Variants in SHOC1 observed in about 807,000 individuals in gnomAD.
The protein encoded by SHOC1 is protein shortage in chiasmata 1 ortholog.
In SHOC1, 136 loss-of-function variants were observed where a neutral mutation model predicts 179.2. The observed-to-expected ratio is 0.76, with a 90% CI of 0.66 to 0.87. The LOEUF is 0.87. SHOC1 is among the 40% of genes least tolerant of loss of function. The probability of loss-of-function intolerance (pLI) is 0.00; values close to 1 mark genes in which losing one functional copy is unlikely to be tolerated. For missense variants in SHOC1, 1,538 were observed against 1,700.8 expected, an observed-to-expected ratio of 0.90 and a Z score of 1.68; for synonymous variants, 489 against 586.6, an observed-to-expected ratio of 0.83 and a Z score of 2.41.
chr9:111,720,961 A>T (rs145992448), intron 15 of SHOC1, among the ~76,000 whole-genome samples: 1 of 152,254 alleles, frequency 6.6e-6, no homozygotes, highest in African/African-American at 2.4e-5. Flanking sequence ...TGTATACTTC[A>T]TGATCTTATT....
rs774329597 is a variant in SHOC1 at position 111,692,041 on chromosome 9, G to A, written c.3936C>T (p.Asp1312=). Residue 1312 remains aspartate (D), a synonymous_variant, in exon 27 of 28, where the codon GAC becomes GAT. Coordinates refer to ENST00000682961, the MANE Select transcript of SHOC1 (RefSeq NM_001378211.1). ...MNCETIKSPT[D]TQKRVSVVPR... is the part of the protein sequence containing the mutation. The stretch of plus-strand genomic sequence containing the variant: ...GGACAACTGACACTCTCTTCTGAGT[G>A]TCAGTTGGTGATTTTATAGTTTCAC... 1.2e-6 allele frequency: 2 copies of A among 1,613,746 alleles called. No homozygotes were observed. Among genetic ancestry groups the A allele is most frequent in the East Asian group, 2.2e-5 (1 of 44,858 alleles).
At position 111,737,202 on chromosome 9, in the gene SHOC1, T is replaced by G. The variant is rs552659431; in HGVS notation, c.1417+1078A>C. ...AACTACGTTCGACCCAGCAATCCCA[T>G]TACTGGGTATATGTTAAAAAAATCG... is the stretch of plus-strand genomic sequence containing the variant. On this transcript the variant is annotated intron_variant, in intron 12 of 27. Coordinates refer to ENST00000682961, the MANE Select transcript of SHOC1 (RefSeq NM_001378211.1). 2.0e-5 allele frequency among the ~76,000 whole-genome samples: 3 copies of G among 152,342 alleles called. No homozygotes were observed. In the South Asian group the frequency reaches 6.2e-4, roughly 32 times the overall value.
chr9:111,707,876 TC>T lies in SHOC1; in HGVS notation c.2536del (p.Glu846AsnfsTer6). On this transcript the variant is annotated frameshift_variant, in exon 19 of 28. Coordinates refer to ENST00000682961, the MANE Select transcript of SHOC1 (RefSeq NM_001378211.1). LOFTEE classifies it high-confidence loss of function. ...LHSNERKDFLESEGVLRGTSS... is the reference protein window; with the variant it reads ...LHSNERKDFLXSEGVLRGTSS... ...TTACCCCCTTAAAACACCTTCAGAT[TC>T]CAGAAAATCTTTTCTTTCATTTGAA... 6.3e-7 allele frequency: 1 copy of T among 1,582,564 alleles called. No homozygotes were observed. Among genetic ancestry groups the T allele is most frequent in the Non-Finnish European group, 8.6e-7 (1 of 1,166,050 alleles).
chr9:111,781,584 A>G (rs1314472787), intron 3 of SHOC1, among the ~76,000 whole-genome samples: 2 of 151,868 alleles, frequency 1.3e-5, no homozygotes, highest in Non-Finnish European at 2.9e-5. Context: ...TTAGCCGGGC[A>G]TGGTAGTGCA....
rs1422708487 is a variant in SHOC1 at position 111,738,271 on chromosome 9, T to C, written c.1417+9A>G. 2 of 1,600,246 alleles carry C rather than the reference T, an allele frequency of 1.2e-6. No homozygotes were observed. The highest frequency in any genetic ancestry group is 8.5e-7 in the Non-Finnish European group (1 of 1,170,426). ...TTTACATAACTAATATTTACTGTGA[T>C]GTACTTACATTCTAATTGAAGCACT... On this transcript the variant is annotated intron_variant, in intron 12 of 27. Transcript: ENST00000682961.
chr9:111,719,970 T>A (rs544965981), intron 15 of SHOC1, among the ~76,000 whole-genome samples: 1 of 152,300 alleles, frequency 6.6e-6, no homozygotes, highest in South Asian at 2.1e-4. Flanking sequence ...GTAAGTACAC[T>A]CCACCCTGTC....
At chr9:111,697,171 G>A (rs1831735777) in intron 24 of SHOC1, among the ~76,000 whole-genome samples, 1 of 151,206 alleles carries the variant, frequency 6.6e-6, no homozygotes, top group South Asian at 2.1e-4. Flanking sequence ...GTAGGATTGG[G>A]GCAGGTTTCT....
chr9:111,692,267 T>G lies in SHOC1; in HGVS notation c.3710A>C (p.Lys1237Thr). The change falls in exon 27 of 28, where the codon AAA (lysine) becomes ACA (threonine). Residue 1237 changes from lysine to threonine, a missense_variant. Physicochemically the swap from Lys to Thr is moderately conservative, Grantham distance 78. Transcript: ENST00000682961. ...AGGTGGTAAAAAACTTGAGATTTCT[T>G]TTAGTTCCATAATGGAAGAGTTGTC... Reference protein sequence around the residue: ...LNDNSSIMELKEISSFLPPVT... With the variant: ...LNDNSSIMELTEISSFLPPVT... 2 of 1,613,650 alleles carry G rather than the reference T, an allele frequency of 1.2e-6. No individual in the cohort carries two copies. The highest frequency in any genetic ancestry group is 1.7e-6 in the Non-Finnish European group (2 of 1,179,630).
chr9:111,737,692 C>A (rs1159303085), intron 12 of SHOC1, among the ~76,000 whole-genome samples: 1 of 12,492 alleles, frequency 8.0e-5, no homozygotes, highest in Non-Finnish European at 2.7e-4. Flanking sequence ...AAACAAACCC[C>A]CCCCCCCACA....
intron 1 of SHOC1, among the ~76,000 whole-genome samples, chr9:111,793,679 A>T (rs1011126648): frequency 6.1e-5 from 9 of 147,628 alleles, no homozygotes; most frequent in African/African-American, 2.3e-4. Context: ...CAATTCTCGA[A>T]TTTTTTTTTT....
intron 12 of SHOC1, among the ~76,000 whole-genome samples, chr9:111,730,309 A>C (rs1833506579): frequency 6.6e-6 from 1 of 152,214 alleles, no homozygotes; most frequent in Admixed American, 6.5e-5. Flanking sequence ...AGAATGGTGA[A>C]TCCTTTCTCA....
intron 8 of SHOC1, among the ~76,000 whole-genome samples, chr9:111,748,638 C>G (rs913255374): frequency 6.6e-6 from 1 of 152,020 alleles, no homozygotes; most frequent in Non-Finnish European, 1.5e-5. Context: ...TTTCTTTTAT[C>G]TCCCTTCTTC....
At chr9:111,706,062 T>C (rs938091999) in intron 20 of SHOC1, among the ~76,000 whole-genome samples, 8 of 152,124 alleles carry the variant, frequency 5.3e-5, no homozygotes, top group African/African-American at 1.9e-4. Context: ...GTGCATTTTA[T>C]ACTCAAAATG....
rs530187344 is a variant in SHOC1 at position 111,767,733 on chromosome 9, G to C, written c.442+8058C>G. Among the ~76,000 whole-genome samples, 18 of 152,192 alleles carry C rather than the reference G, an allele frequency of 1.2e-4. 1 individual carries two copies. In the South Asian group the frequency reaches 3.7e-3, roughly 32 times the overall value. On this transcript the variant is annotated intron_variant, in intron 5 of 27. Transcript: ENST00000682961. ...TTCTATTTCTGTGGAGAATATCATTGGTATTTTGATAGGGATTGCATTGAA... is the reference window on the plus strand; with the variant it reads ...TTCTATTTCTGTGGAGAATATCATTCGTATTTTGATAGGGATTGCATTGAA...
intron 5 of SHOC1, chr9:111,759,638 T>A (rs1407676875): frequency 1.1e-6 from 1 of 886,852 alleles, no homozygotes; most frequent in African/African-American, 1.8e-5. Flanking sequence ...TAAGCTCAGA[T>A]GAAGAACTAC....
rs1831487419 is a variant in SHOC1 at position 111,692,428 on chromosome 9, A to G, written c.3549T>C (p.Asn1183=). ...KSPQISSPQE[N]RNQISTLSSQ... Reference sequence around the variant, plus strand: ...AAGACAAGGTACTAATCTGATTCCTATTTTCCTGAGGTGACGAAATTTGCG... The same window carrying G: ...AAGACAAGGTACTAATCTGATTCCTGTTTTCCTGAGGTGACGAAATTTGCG... Residue 1183 remains asparagine (N), a synonymous_variant, in exon 27 of 28, where the codon AAT becomes AAC. Coordinates refer to ENST00000682961, the MANE Select transcript of SHOC1 (RefSeq NM_001378211.1). 6.2e-7 allele frequency: 1 copy of G among 1,612,796 alleles called. No homozygotes were observed. The highest frequency in any genetic ancestry group is 8.5e-7 in the Non-Finnish European group (1 of 1,179,512).
chr9:111,791,257 G>A, intron 2 of SHOC1, 117 bp downstream of exon 2: 7 of 490,038 alleles, frequency 1.4e-5, no homozygotes, highest in Non-Finnish European at 2.3e-5. Flanking sequence ...TCAGAAATCT[G>A]AAATACTTTT....
intron 4 of SHOC1, among the ~76,000 whole-genome samples, chr9:111,779,238 T>A (rs1208071089): frequency 3.3e-5 from 5 of 152,116 alleles, no homozygotes; most frequent in African/African-American, 1.2e-4. Flanking sequence ...ATTCCACTTA[T>A]GTGAAATATC....
rs1015747735 is a variant in SHOC1, at chr9:111,686,709, C to T, written c.*61G>A. ...GTGTATGAGCAAATCTAAATAATTG[C>T]GCTAGTGGATTAGCATCAAAAACAG... is the stretch of plus-strand genomic sequence containing the variant. On this transcript the variant is annotated 3_prime_UTR_variant, in exon 28 of 28. Transcript: ENST00000682961. 20 of 1,022,288 alleles carry T rather than the reference C, an allele frequency of 2.0e-5. No individual in the cohort carries two copies. Among genetic ancestry groups the T allele is most frequent in the South Asian group, 3.9e-5 (3 of 76,414 alleles). 63.3% of individuals were successfully genotyped at this position (1,022,288 alleles called of 1,614,324 possible).
Sources: allele counts gnomAD v4.1 joint callset (sites outside exome capture counted in the v4.1 genomes callset), GRCh38; gene constraint gnomAD v4.1.1; transcripts MANE v1.5; gene names NCBI Gene and HGNC (gene_info 2026-07-23, HGNC 2026-07-21).